The following ENTPD6 variants were observed in gnomAD, a reference collection of about 807,000 sequenced individuals.
The protein encoded by ENTPD6 is ectonucleoside triphosphate diphosphohydrolase 6.
In ENTPD6, 46 loss-of-function variants were observed where a neutral mutation model predicts 61.5. That is an observed-to-expected ratio of 0.75 (90% CI 0.59 to 0.96). ENTPD6 has a LOEUF of 0.96. Ranked by LOEUF, ENTPD6 falls within the 40% of genes least tolerant of loss-of-function variation. The probability of loss-of-function intolerance (pLI) is 0.00; values close to 1 mark genes in which losing one functional copy is unlikely to be tolerated. For missense variants in ENTPD6, 612 were observed against 629.0 expected (o/e 0.97, Z 0.29); for synonymous variants, 252 against 255.5 (o/e 0.99, Z 0.13).
chr20:25,216,829 G>C lies in ENTPD6; in HGVS notation c.798+93G>C, dbSNP rs977543424. ...GGGGCCTGCTGAGGTGCTGCGGGGT[G>C]GGGTGGGGGGTGGGGTTGGCCAGGT... is the stretch of plus-strand genomic sequence containing the variant. On this transcript the variant is annotated intron_variant, in intron 8 of 14. Transcript: ENST00000376652. 2.4e-5 allele frequency: 21 copies of C among 862,350 alleles called. No homozygotes were observed. In the African/African-American group the frequency reaches 2.7e-4, roughly 11 times the overall value. 53.4% of individuals were successfully genotyped at this position (862,350 alleles called of 1,614,324 possible). A position where few individuals can be genotyped will look rare whatever the true frequency, so the allele number is the denominator to read the frequency against.
At position 25,224,127 on chromosome 20, in the gene ENTPD6, G is replaced by A. The variant is rs752124594; in HGVS notation, c.1213G>A (p.Val405Met). ...TGCGGAGAAGGGAGGCAGCCTGGTG[G>A]TGGGGGACTTCGAGATCGCAGCCAA... ...IDAEKGGSLV[V>M]GDFEIAAKYV... Residue 405 changes from valine to methionine, a missense_variant, in exon 13 of 15, where the codon GTG becomes ATG. Coordinates refer to ENST00000376652, the MANE Select transcript of ENTPD6 (RefSeq NM_001247.5). The A allele has an allele frequency of 6.2e-7, 1 of 1,612,480 alleles. No homozygotes were observed. Among genetic ancestry groups the A allele is most frequent in the Non-Finnish European group, 8.5e-7 (1 of 1,179,300 alleles).
intron 11 of ENTPD6, 67 bp downstream of exon 11, chr20:25,221,400 T>C: frequency 8.3e-7 from 1 of 1,206,648 alleles, no homozygotes; most frequent in Non-Finnish European, 1.2e-6. Flanking sequence ...CCCCCTTGCC[T>C]TTCCCACATC....
intron 13 of ENTPD6, chr20:25,224,489 G>A (rs2092739049): frequency 5.1e-6 from 1 of 196,200 alleles, no homozygotes; most frequent in Non-Finnish European, 1.0e-5. Flanking sequence ...CTGGGATGTG[G>A]GGTGGAGGGC....
At chr20:25,211,226 T>G (rs999910684) in intron 4 of ENTPD6, among the ~76,000 whole-genome samples, 2 of 152,204 alleles carry the variant, frequency 1.3e-5, no homozygotes, top group Non-Finnish European at 2.9e-5. Context: ...GACAATGTAG[T>G]TCAAGCCTTG....
At chr20:25,221,601 G>A in intron 11 of ENTPD6, 1 of 485,342 alleles carries the variant, frequency 2.1e-6, no homozygotes, top group Non-Finnish European at 3.8e-6. Flanking sequence ...TAACAGGCCT[G>A]CAGGGAGGAA....
At chr20:25,218,492 C>A (rs2092464217) in intron 9 of ENTPD6, 58 bp from the exon 10 acceptor site, 2 of 1,516,754 alleles carry the variant, frequency 1.3e-6, no homozygotes, top group Admixed American at 1.9e-5. Context: ...CAGAGGTGAG[C>A]CTGCCATGAC....
In ENTPD6 at chr20:25,207,288, C is replaced by A. The variant is rs764004461; in HGVS notation, c.267C>A (p.Ser89Arg). 2 of 1,610,038 alleles carry A rather than the reference C, an allele frequency of 1.2e-6. No individual in the cohort carries two copies. The highest frequency in any genetic ancestry group is 2.2e-5 in the South Asian group (2 of 90,908). The stretch of plus-strand genomic sequence containing the variant: ...CCCGGTGGGGTCAGCAGGCCCACAG[C>A]CCCCTGGGGACAGCTGCAGACGGGC... Reference protein sequence around the residue: ...PGARWGQQAHSPLGTAADGHE... With the variant: ...PGARWGQQAHRPLGTAADGHE... Residue 89 changes from serine to arginine, a missense_variant, in exon 3 of 15, where the codon AGC becomes AGA. By Grantham distance (110) the Ser-to-Arg change is moderately radical. Transcript: ENST00000376652.
At chr20:25,202,058 A>G (rs757068093) in intron 1 of ENTPD6, among the ~76,000 whole-genome samples, 1 of 152,236 alleles carries the variant, frequency 6.6e-6, no homozygotes, top group African/African-American at 2.4e-5. Context: ...TTATATTACT[A>G]TAAGGTAAGC....
rs1296151098 is a variant in ENTPD6, at chr20:25,213,176, C to CA, written c.454-80dup. On this transcript the variant is annotated intron_variant, in intron 4 of 14. Transcript: ENST00000376652. ...ACAGTGAGACTCTGTCTCCAGAAACCAAAAAAACCCAAAAGGGTGGAAGCA... is the reference window on the plus strand; with the variant it reads ...ACAGTGAGACTCTGTCTCCAGAAACCAAAAAAAACCCAAAAGGGTGGAAGCA... 1.5e-5 allele frequency: 24 copies of CA among 1,553,776 alleles called. No individual in the cohort carries two copies. In the Admixed American group the frequency reaches 2.5e-4, roughly 16 times the overall value.
Position 25,215,673 on chromosome 20 carries a change from C to A in ENTPD6, c.674-3C>A. 6.2e-7 allele frequency: 1 copy of A among 1,614,142 alleles called. No individual in the cohort carries two copies. The highest frequency in any genetic ancestry group is 8.5e-7 in the Non-Finnish European group (1 of 1,179,970). ...AAATAATGCCTGTGACACTCTCTTG[C>A]AGGCGTTTCGGCGTGGATCACCATC... On this transcript the variant is annotated splice_polypyrimidine_tract_variant and splice_region_variant and intron_variant, in intron 6 of 14. Transcript: ENST00000376652.
At chr20:25,213,195 G>A (rs772661375) in intron 4 of ENTPD6, 68 bp from the exon 5 acceptor site, 183 of 1,596,422 alleles carry the variant, frequency 1.1e-4, no homozygotes, top group Non-Finnish European at 1.5e-4. Flanking sequence ...CCAAAAGGGT[G>A]GAAGCAGCAC....
At chr20:25,225,019 C>T (rs939857156) in intron 13 of ENTPD6, 186 bp from the exon 14 acceptor site, 9 of 837,592 alleles carry the variant, frequency 1.1e-5, no homozygotes, top group African/African-American at 6.8e-5. Context: ...CAGTGGCAGC[C>T]GGGGTTGCCG....
chr20:25,215,076 A>G, intron 6 of ENTPD6, 134 bp downstream of exon 6: 2 of 633,538 alleles, frequency 3.2e-6, no homozygotes, highest in Non-Finnish European at 5.7e-6. Context: ...ATGCTCAAGT[A>G]AAGAATCATG....
intron 10 of ENTPD6, 42 bp downstream of exon 10, chr20:25,218,656 G>T (rs754557077): frequency 1.3e-6 from 2 of 1,547,648 alleles, no homozygotes; most frequent in Non-Finnish European, 1.7e-6. Context: ...CACAGCCTCT[G>T]CCCTCCATTC....
Position 25,225,663 on chromosome 20 carries a change from C to T in ENTPD6, c.*66C>T, listed in dbSNP as rs111670539. The T allele has an allele frequency of 4.1e-3, 5,688 of 1,373,438 alleles. 181 individuals carry two copies. The African/African-American group carries it at 0.069, about 17-fold the overall frequency. The allele number at this position is 1,373,438 out of a possible 1,614,324, so 85.1% of individuals were successfully genotyped here. A position where few individuals can be genotyped will look rare whatever the true frequency, so the allele number is the denominator to read the frequency against. On this transcript the variant is annotated 3_prime_UTR_variant, in exon 15 of 15. Transcript: ENST00000376652. ...TCTGCATAAACCCTCCTGTCCTGGA[C>T]GTGACTTCATCCTGAGGAGCCACAG... is the stretch of plus-strand genomic sequence containing the variant.
At chr20:25,204,030 G>A (rs1257570299) in intron 1 of ENTPD6, among the ~76,000 whole-genome samples, 1 of 152,140 alleles carries the variant, frequency 6.6e-6, no homozygotes, top group South Asian at 2.1e-4. Flanking sequence ...CATATTCGTG[G>A]CTGTTTCAAA....
chr20:25,221,194 T>C (rs2092619000), intron 10 of ENTPD6, 38 bp from the exon 11 acceptor site: 3 of 1,543,164 alleles, frequency 1.9e-6, no homozygotes, highest in African/African-American at 1.4e-5. Flanking sequence ...GGCGGTGATA[T>C]ACCTTCCTTT....
rs2091564990 is a variant in ENTPD6, at chr20:25,207,109, A to G, written c.88A>G (p.Arg30Gly). 1.2e-6 allele frequency: 2 copies of G among 1,613,262 alleles called. No homozygotes were observed. Among genetic ancestry groups the G allele is most frequent in the African/African-American group, 2.7e-5 (2 of 75,018 alleles). ...GCACGGTCCTTGGCAAACAAGGATG[A>G]GAAAAATATCCAACCACGGGAGCCT... The part of the protein sequence containing the change: ...PQHGPWQTRM[R>G]KISNHGSLRV... The change falls in exon 3 of 15, where the codon AGA becomes GGA. Residue 30 changes from arginine (R) to glycine (G), a missense_variant. Physicochemically the swap from Arg to Gly is moderately radical, Grantham distance 125. Coordinates refer to ENST00000376652, the MANE Select transcript of ENTPD6 (RefSeq NM_001247.5).
intron 3 of ENTPD6, among the ~76,000 whole-genome samples, chr20:25,208,092 A>G (rs920594992): frequency 6.6e-6 from 1 of 152,232 alleles, no homozygotes; most frequent in Admixed American, 6.5e-5. Context: ...CCTGTCAGGC[A>G]GGTCCCCTGG....
Sources: allele counts gnomAD v4.1 joint callset (sites outside exome capture counted in the v4.1 genomes callset), GRCh38; gene constraint gnomAD v4.1.1; transcripts MANE v1.5; gene names NCBI Gene and HGNC (gene_info 2026-07-23, HGNC 2026-07-21).